The following GSTA2 variants were observed in gnomAD, a reference collection of about 807,000 sequenced individuals.
The protein encoded by GSTA2 is glutathione S-transferase A2.
GSTA2 carries 27 observed loss-of-function variants against 22.4 expected under a neutral mutation model. The observed-to-expected ratio is 1.21, with a 90% confidence interval of 0.89 to 1.67. GSTA2 has a LOEUF of 1.67. Among genes scored for constraint, GSTA2 ranks in the 40% most tolerant of loss-of-function variants. The pLI, the probability that GSTA2 is intolerant of heterozygous loss-of-function variation, is 0.00. For missense variants in GSTA2, 302 were observed against 260.2 expected (o/e 1.16, Z -1.11); for synonymous variants, 121 against 86.8 (o/e 1.39, Z -2.19).
intron 2 of GSTA2, among the ~76,000 whole-genome samples, chr6:52,756,719 A>G (rs1762851973): frequency 6.6e-6 from 1 of 152,260 alleles, no homozygotes; most frequent in Non-Finnish European, 1.5e-5. Context: ...GCTAATGGCC[A>G]TCAAATATTC....
At chr6:52,761,480 T>G (rs1443899118) in intron 1 of GSTA2, among the ~76,000 whole-genome samples, 4 of 151,022 alleles carry the variant, frequency 2.6e-5, no homozygotes, top group African/African-American at 9.7e-5. Flanking sequence ...CGTAGAACTC[T>G]AGTAGGAATA....
At chr6:52,757,608 T>A (rs1762869342) in intron 2 of GSTA2, among the ~76,000 whole-genome samples, 1 of 152,250 alleles carries the variant, frequency 6.6e-6, no homozygotes, top group South Asian at 2.1e-4. Flanking sequence ...TTTTACAGTT[T>A]GTTTAAATTC....
In GSTA2 at chr6:52,757,992, G is replaced by T; in HGVS notation, c.-30-15C>A. 7.8e-7 allele frequency: 1 copy of T among 1,274,916 alleles called. No individual in the cohort carries two copies. Among genetic ancestry groups the T allele is most frequent in the Non-Finnish European group, 1.1e-6 (1 of 878,212 alleles). 79.0% of individuals were successfully genotyped at this position (1,274,916 alleles called of 1,614,324 possible). A position where few individuals can be genotyped will look rare whatever the true frequency, so the allele number is the denominator to read the frequency against. On this transcript the variant is annotated splice_polypyrimidine_tract_variant and intron_variant, in intron 1 of 6. Transcript: ENST00000493422. Reference sequence around the variant, plus strand: ...TTTCTCTAAGCCTGAGTGAATGAATGAATGAATGAATGAATAATTGAAACG... The same window carrying T: ...TTTCTCTAAGCCTGAGTGAATGAATTAATGAATGAATGAATAATTGAAACG...
chr6:52,755,459 C>G (rs747819526), intron 3 of GSTA2, among the ~76,000 whole-genome samples: 17 of 152,202 alleles, frequency 1.1e-4, no homozygotes, highest in Non-Finnish European at 2.2e-4. Flanking sequence ...AGTCATCCAC[C>G]TGCCTCAGCC....
At position 52,752,934 on chromosome 6, in the gene GSTA2, TA is replaced by T. The variant is rs773906172; in HGVS notation, c.333del (p.Phe111LeufsTer13). Reference protein sequence around the residue: ...DLGEMILLLPFSQPEEQDAKL... With the variant: ...DLGEMILLLPXSQPEEQDAKL... ...TTGGCATCTTGTTCCTCAGGTTGAC[TA>T]AAGGGCAGAAGAAGGATCATTTCAC... On this transcript the variant is annotated frameshift_variant, in exon 5 of 7. Transcript: ENST00000493422. LOFTEE classifies it high-confidence loss of function. 3.1e-6 allele frequency: 5 copies of T among 1,613,910 alleles called. No individual in the cohort carries two copies. The Admixed American group carries it at 6.7e-5, about 22-fold the overall frequency.
At chr6:52,752,167 C>G (rs1762752786) in intron 5 of GSTA2, among the ~76,000 whole-genome samples, 1 of 152,194 alleles carries the variant, frequency 6.6e-6, no homozygotes, top group African/African-American at 2.4e-5. Context: ...GTCCTCATTT[C>G]TCCTTGTCTG....
intron 5 of GSTA2, among the ~76,000 whole-genome samples, chr6:52,751,930 A>T (rs1394621899): frequency 1.3e-5 from 2 of 152,144 alleles, no homozygotes; most frequent in Non-Finnish European, 2.9e-5. Context: ...TTCTCTTCTC[A>T]TCCACATCAC....
chr6:52,763,284 T>G (rs188845452), intron 1 of GSTA2, among the ~76,000 whole-genome samples, 160 bp downstream of exon 1: 3 of 152,318 alleles, frequency 2.0e-5, no homozygotes, highest in Non-Finnish European at 2.9e-5. Context: ...AGAAAAGAAA[T>G]AAACAGTTCT....
chr6:52,759,433 A>G (rs971815038), intron 1 of GSTA2, among the ~76,000 whole-genome samples: 7 of 152,168 alleles, frequency 4.6e-5, no homozygotes, highest in Non-Finnish European at 8.8e-5. Context: ...GCCAGGACTT[A>G]GGAATAGTTG....
chr6:52,750,180 T>C lies in GSTA2; in HGVS notation c.*397A>G, dbSNP rs9349642. On this transcript the variant is annotated 3_prime_UTR_variant, in exon 7 of 7. Transcript: ENST00000493422. ...AATGTCTTTATGCCATTATCCAGGA[T>C]GGTAACTCTTCTCCTGTGCATACCT... The C allele has an allele frequency of 1.1e-3, 179 of 163,966 alleles. 4 individuals are homozygous for C. The East Asian group carries it at 0.031, about 28-fold the overall frequency. The allele number at this position is 163,966 out of a possible 1,614,324, so 10.2% of individuals were successfully genotyped here. A position where few individuals can be genotyped will look rare whatever the true frequency, so the allele number is the denominator to read the frequency against.
intron 2 of GSTA2, 132 bp from the exon 3 acceptor site, chr6:52,756,441 G>A: frequency 6.0e-6 from 4 of 667,836 alleles, no homozygotes; most frequent in Non-Finnish European, 1.0e-5. Flanking sequence ...CACAGAGGGG[G>A]CTAGTCATGG....
chr6:52,752,877 G>A lies in GSTA2; in HGVS notation c.391C>T (p.Arg131Cys), dbSNP rs151112301. Residue 131 changes from arginine to cysteine, a missense_variant, in exon 5 of 7, where the codon CGC (arginine) becomes TGC (cysteine). Physicochemically the swap from Arg to Cys is radical, Grantham distance 180. Transcript: ENST00000493422. ...ACTTTTTCAAAGGCAGGGAAGTAGC[G>A]ATTTTTTGTTTTCTCTTGGATCAAG... ...LALIQEKTKN[R>C]YFPAFEKVLK... The A allele has an allele frequency of 1.9e-4, 304 of 1,613,902 alleles. 1 individual carries two copies. The highest frequency in any genetic ancestry group is 3.7e-4 in the South Asian group (34 of 91,074).
At chr6:52,752,063 G>A (rs1762748788) in intron 5 of GSTA2, among the ~76,000 whole-genome samples, 1 of 152,114 alleles carries the variant, frequency 6.6e-6, no homozygotes, top group Non-Finnish European at 1.5e-5. Flanking sequence ...TCAGGATGTG[G>A]CTCTACATTC....
chr6:52,752,267 G>GT (rs1344533039), intron 5 of GSTA2, among the ~76,000 whole-genome samples: 5 of 152,100 alleles, frequency 3.3e-5, no homozygotes, highest in Admixed American at 3.3e-4. Flanking sequence ...ATCGACTCTG[G>GT]TTCCTAAATG....
chr6:52,751,564 T>C lies in GSTA2; in HGVS notation c.546+13A>G. On this transcript the variant is annotated intron_variant, in intron 6 of 6. Coordinates refer to ENST00000493422, the MANE Select transcript of GSTA2 (RefSeq NM_000846.5). Reference sequence around the variant, plus strand: ...TGTGGGTCTGCCTCTCTGAAGACTGTGAAATGGGTCACCTTCAGCAGAGGG... The same window carrying C: ...TGTGGGTCTGCCTCTCTGAAGACTGCGAAATGGGTCACCTTCAGCAGAGGG... The C allele has an allele frequency of 1.2e-6, 2 of 1,613,814 alleles. No homozygotes were observed. Among genetic ancestry groups the C allele is most frequent in the South Asian group, 1.1e-5 (1 of 91,072 alleles).
In GSTA2 at chr6:52,750,311, T is replaced by C. The variant is rs937900613; in HGVS notation, c.*266A>G. 8 of 307,586 alleles carry C rather than the reference T, an allele frequency of 2.6e-5. No individual in the cohort carries two copies. The highest frequency in any genetic ancestry group is 1.1e-3 in the Middle Eastern group (1 of 928). The allele number at this position is 307,586 out of a possible 1,614,324, so 19.1% of individuals were successfully genotyped here. On this transcript the variant is annotated 3_prime_UTR_variant, in exon 7 of 7. Coordinates refer to ENST00000493422, the MANE Select transcript of GSTA2 (RefSeq NM_000846.5). ...AAAGTCAAACAAACCACATAATTTA[T>C]AGTTTCCATTTTTACTGAATTTGTA...
chr6:52,754,855 G>C lies in GSTA2; in HGVS notation c.272+88C>G, dbSNP rs1373243366. 5 of 1,571,696 alleles carry C rather than the reference G, an allele frequency of 3.2e-6. No individual in the cohort carries two copies. In the Admixed American group the frequency reaches 8.6e-5, roughly 27 times the overall value. On this transcript the variant is annotated intron_variant, in intron 4 of 6. Transcript: ENST00000493422. ...CAAGGCCCAGCCTGCTGCTGGTCTT[G>C]ATACCCTGCCATGGTCCCACCCACT...
intron 3 of GSTA2, among the ~76,000 whole-genome samples, chr6:52,755,943 G>A (rs990778479): frequency 2.6e-5 from 4 of 152,068 alleles, no homozygotes; most frequent in African/African-American, 9.7e-5. Flanking sequence ...CTTGGATGGA[G>A]AGGGCTGTAT....
intron 3 of GSTA2, among the ~76,000 whole-genome samples, chr6:52,755,634 A>T (rs187759944): frequency 2.6e-5 from 4 of 152,056 alleles, no homozygotes; most frequent in African/African-American, 7.2e-5. Flanking sequence ...GGGACTCTTG[A>T]ATTTTTTGTG....
Sources: gnomAD v4.1 joint callset for allele counts (sites outside exome capture counted in the v4.1 genomes callset) on GRCh38, gnomAD v4.1.1 for gene constraint, MANE v1.5 for transcripts, NCBI Gene and HGNC (gene_info 2026-07-23, HGNC 2026-07-21) for gene names.